Variants in SLC24A3 observed in about 807,000 individuals in gnomAD.
The protein encoded by SLC24A3 is solute carrier family 24 member 3.
SLC24A3 carries 28 observed loss-of-function variants against 75.8 expected under a neutral mutation model. That is an observed-to-expected ratio of 0.37 (90% CI 0.27 to 0.51). SLC24A3 has a LOEUF of 0.51. Among genes scored for constraint, SLC24A3 ranks in the 20% least tolerant of loss-of-function variants. The pLI is 0.94. For synonymous variants in SLC24A3, 372 were observed against 334.1 expected, an observed-to-expected ratio of 1.11 and a Z score of -1.24; for missense variants, 663 against 847.8, an observed-to-expected ratio of 0.78 and a Z score of 2.71.
intron 2 of SLC24A3, among the ~76,000 whole-genome samples, chr20:19,408,685 C>T (rs1320231409): frequency 2.6e-5 from 4 of 152,130 alleles, no homozygotes; most frequent in Admixed American, 1.3e-4. Flanking sequence ...CCACCACACC[C>T]GGCCTAAAAA....
At chr20:19,308,900 C>T (rs1189182896) in intron 2 of SLC24A3, among the ~76,000 whole-genome samples, 4 of 152,092 alleles carry the variant, frequency 2.6e-5, no homozygotes, top group Admixed American at 1.3e-4. Context: ...AAACGCCAGG[C>T]CATTTTGAAA....
chr20:19,651,633 G>T (rs1397613923), intron 6 of SLC24A3, among the ~76,000 whole-genome samples: 1 of 151,944 alleles, frequency 6.6e-6, no homozygotes, highest in African/African-American at 2.4e-5. Flanking sequence ...GCCGAGGCAG[G>T]TGGATCACAA....
intron 2 of SLC24A3, among the ~76,000 whole-genome samples, chr20:19,312,484 A>T (rs185355737): frequency 3.9e-5 from 6 of 152,322 alleles, no homozygotes; most frequent in African/African-American, 1.4e-4. Context: ...AGTTAAAATC[A>T]TTCTCCACTT....
intron 2 of SLC24A3, among the ~76,000 whole-genome samples, chr20:19,493,919 T>C (rs1988241983): frequency 6.6e-6 from 1 of 152,200 alleles, no homozygotes; most frequent in Non-Finnish European, 1.5e-5. Flanking sequence ...TGGAGGGAAA[T>C]GCTCTCTCTC....
intron 6 of SLC24A3, among the ~76,000 whole-genome samples, chr20:19,640,555 G>A (rs188922160): frequency 1.7e-3 from 259 of 152,262 alleles, no homozygotes; most frequent in African/African-American, 6.0e-3. Context: ...TTCAAGACCA[G>A]CCTGCCCAAC....
chr20:19,546,552 A>G (rs2030599366), intron 3 of SLC24A3, among the ~76,000 whole-genome samples: 1 of 152,174 alleles, frequency 6.6e-6, no homozygotes, highest in African/African-American at 2.4e-5. Context: ...TCCTCCCTGC[A>G]AGGCAGCTGC....
At chr20:19,433,555 G>A (rs774959038) in intron 2 of SLC24A3, among the ~76,000 whole-genome samples, 17 of 152,196 alleles carry the variant, frequency 1.1e-4, no homozygotes, top group Non-Finnish European at 2.4e-4. Flanking sequence ...ATAAGGATGA[G>A]GACACCAAAA....
intron 2 of SLC24A3, among the ~76,000 whole-genome samples, chr20:19,291,783 A>G (rs927615102): frequency 6.6e-6 from 1 of 152,152 alleles, no homozygotes; most frequent in African/African-American, 2.4e-5. Context: ...CTCAGGGCCC[A>G]CTCAGTGTCC....
At chr20:19,509,931 A>G (rs901686465) in intron 2 of SLC24A3, among the ~76,000 whole-genome samples, 1 of 152,220 alleles carries the variant, frequency 6.6e-6, no homozygotes, top group Non-Finnish European at 1.5e-5. Context: ...CCAATTGAGG[A>G]CACTTTTCTT....
At chr20:19,579,949 C>A in intron 3 of SLC24A3, 51 bp from the exon 4 acceptor site, 1 of 1,409,600 alleles carries the variant, frequency 7.1e-7, no homozygotes. Context: ...CGTTCATCTT[C>A]CTGGCTCTGC....
At chr20:19,323,414 G>A (rs1309618581) in intron 2 of SLC24A3, among the ~76,000 whole-genome samples, 2 of 152,246 alleles carry the variant, frequency 1.3e-5, no homozygotes, top group African/African-American at 2.4e-5. Context: ...TTTATCCTAG[G>A]ACACACAGGT....
At chr20:19,645,748 C>A (rs1040162563) in intron 6 of SLC24A3, among the ~76,000 whole-genome samples, 8 of 152,108 alleles carry the variant, frequency 5.3e-5, no homozygotes, top group African/African-American at 1.9e-4. Context: ...TCAGGCCAAA[C>A]AACCAAAATA....
chr20:19,402,925 T>G (rs1371084655), intron 2 of SLC24A3, among the ~76,000 whole-genome samples: 1 of 152,258 alleles, frequency 6.6e-6, no homozygotes, highest in Non-Finnish European at 1.5e-5. Context: ...CACATGGCTC[T>G]TGAGCACTGG....
chr20:19,315,151 A>G (rs1156371884), intron 2 of SLC24A3, among the ~76,000 whole-genome samples: 3 of 152,186 alleles, frequency 2.0e-5, no homozygotes, highest in Non-Finnish European at 2.9e-5. Flanking sequence ...AGATTCGCCT[A>G]TCCTTGCACC....
intron 6 of SLC24A3, among the ~76,000 whole-genome samples, chr20:19,649,789 C>A (rs2032180332): frequency 6.6e-6 from 1 of 152,142 alleles, no homozygotes; most frequent in South Asian, 2.1e-4. Flanking sequence ...GAACAGGGAC[C>A]CAAGGCCCAG....
intron 2 of SLC24A3, among the ~76,000 whole-genome samples, chr20:19,366,803 T>TA (rs1985900130): frequency 6.6e-6 from 1 of 152,048 alleles, no homozygotes; most frequent in African/African-American, 2.4e-5. Context: ...ATTTGGAAGG[T>TA]AAAATATCAG....
intron 2 of SLC24A3, among the ~76,000 whole-genome samples, chr20:19,433,949 G>T (rs546795569): frequency 3.9e-5 from 6 of 152,334 alleles, no homozygotes; most frequent in Non-Finnish European, 8.8e-5. Context: ...GGAGATGGTT[G>T]GGTGTGAGCT....
At chr20:19,523,993 G>A (rs534299341) in intron 3 of SLC24A3, among the ~76,000 whole-genome samples, 2 of 152,262 alleles carry the variant, frequency 1.3e-5, no homozygotes, top group African/African-American at 4.8e-5. Flanking sequence ...CCCAGAAGAA[G>A]GCCTTAGACA....
At chr20:19,615,171 T>A (rs986706368) in intron 6 of SLC24A3, among the ~76,000 whole-genome samples, 2 of 152,142 alleles carry the variant, frequency 1.3e-5, no homozygotes, top group African/African-American at 4.8e-5. Flanking sequence ...GAGAGTCATT[T>A]AAAAATATAT....
Sources: allele counts gnomAD v4.1 joint callset (sites outside exome capture counted in the v4.1 genomes callset), GRCh38; gene constraint gnomAD v4.1.1; transcripts MANE v1.5; gene names NCBI Gene and HGNC (gene_info 2026-07-23, HGNC 2026-07-21).